The following PCDHGB1 variants were observed in gnomAD, a reference collection of about 807,000 sequenced individuals.
PCDHGB1 encodes the protein protocadherin gamma subfamily B, 1, also known as protocadherin gamma-B1.
In PCDHGB1, 34 loss-of-function variants were observed where a neutral mutation model predicts 56.6. The ratio of observed to expected loss-of-function variants is 0.60; its 90% CI spans 0.46 to 0.80. The LOEUF (loss-of-function observed/expected upper bound fraction) is 0.80. PCDHGB1 is among the 30% of genes least tolerant of loss of function. The pLI, the probability that PCDHGB1 is intolerant of heterozygous loss-of-function variation, is 0.00. For missense variants in PCDHGB1, 1,278 were observed against 1,204.6 expected (o/e 1.06, Z -0.90); for synonymous variants, 561 against 505.9 (o/e 1.11, Z -1.46).
chr5:141,454,860 T>G (rs62379170), intron 1 of PCDHGB1, among the ~76,000 whole-genome samples: 5,850 of 133,200 alleles, frequency 0.044, 153 homozygotes, highest in Middle Eastern at 0.11. Context: ...CAGGCTGGAG[T>G]GCAGTGGCAC....
At chr5:141,409,050 G>C (rs371257178) in intron 1 of PCDHGB1, 1 of 1,613,988 alleles carries the variant, frequency 6.2e-7, no homozygotes. Context: ...TACTTCCGAA[G>C]CACTGCCCAG....
intron 1 of PCDHGB1, chr5:141,412,993 G>T (rs1401025160): frequency 1.2e-5 from 7 of 574,186 alleles, no homozygotes; most frequent in Non-Finnish European, 1.8e-5. Context: ...GCTCAATCCG[G>T]ATTCTCAGGG....
Position 141,352,496 on chromosome 5 carries a change from T to C in PCDHGB1, c.2236T>C (p.Tyr746His). The part of the protein sequence containing the change: ...PPNHSEGTLP[Y>H]SYNLCIASHS... ...CAACCACAGCGAGGGGACTTTGCCC[T>C]ATTCCTACAATCTATGTATTGCCTC... is the stretch of plus-strand genomic sequence containing the variant. Residue 746 changes from tyrosine (Y) to histidine (H), a missense_variant, in exon 1 of 4, where the codon TAT becomes CAT. Tyr to His is a moderately conservative substitution (Grantham distance 83). Coordinates refer to ENST00000523390, the MANE Select transcript of PCDHGB1 (RefSeq NM_018922.3). 3 of 1,614,040 alleles carry C rather than the reference T, an allele frequency of 1.9e-6. No individual in the cohort carries two copies. The highest frequency in any genetic ancestry group is 2.5e-6 in the Non-Finnish European group (3 of 1,179,890).
Position 141,511,042 on chromosome 5 carries a change from G to C in PCDHGB1, c.2653G>C (p.Asp885His), listed in dbSNP as rs774071540. Residue 885 changes from aspartate (D) to histidine (H), a missense_variant, in exon 4 of 4, where the codon GAC becomes CAC. Transcript: ENST00000523390. Reference sequence around the variant, plus strand: ...CCAGTTCACCCTGCAGCACGTGCCCGACTACCGCCAGAATGTCTACATCCC... The same window carrying C: ...CCAGTTCACCCTGCAGCACGTGCCCCACTACCGCCAGAATGTCTACATCCC... ...GPQFTLQHVP[D>H]YRQNVYIPGS... 6.2e-7 allele frequency: 1 copy of C among 1,614,182 alleles called. No homozygotes were observed. Among genetic ancestry groups the C allele is most frequent in the South Asian group, 1.1e-5 (1 of 91,084 alleles).
chr5:141,482,736 C>T (rs897817817), intron 1 of PCDHGB1, among the ~76,000 whole-genome samples: 6 of 152,056 alleles, frequency 3.9e-5, no homozygotes, highest in African/African-American at 1.2e-4. Context: ...GCAAGAAATT[C>T]CATGCAGAGG....
chr5:141,505,413 C>G lies in PCDHGB1; in HGVS notation c.2489C>G (p.Thr830Ser). ...CCCAGCTCCCAAAATGGCGATGACA[C>G]CGGCACCTGGCCCAACAACCAGTTT... Reference protein sequence around the residue: ...GTSGSQNGDDTGTWPNNQFDT... With the variant: ...GTSGSQNGDDSGTWPNNQFDT... Residue 830 changes from threonine to serine, a missense_variant, in exon 3 of 4, where the codon ACC (threonine) becomes AGC (serine). Physicochemically the swap from Thr to Ser is moderately conservative, Grantham distance 58. Coordinates refer to ENST00000523390, the MANE Select transcript of PCDHGB1 (RefSeq NM_018922.3). 2.5e-6 allele frequency: 4 copies of G among 1,614,202 alleles called. No individual in the cohort carries two copies. In the South Asian group the frequency reaches 4.4e-5, roughly 18 times the overall value.
At chr5:141,463,324 T>C (rs1413608053) in intron 1 of PCDHGB1, among the ~76,000 whole-genome samples, 1 of 150,722 alleles carries the variant, frequency 6.6e-6, no homozygotes, top group Non-Finnish European at 1.5e-5. Context: ...ATTCCTCAAC[T>C]CAGCAAAACC....
chr5:141,511,293 G>A lies in PCDHGB1; in HGVS notation c.*120G>A, dbSNP rs1028501355. On this transcript the variant is annotated 3_prime_UTR_variant, in exon 4 of 4. Coordinates refer to ENST00000523390, the MANE Select transcript of PCDHGB1 (RefSeq NM_018922.3). ...CCCCAGAATACTGGTAGGGGCCAAG[G>A]CCATGCTCCCCTTGGGAAACAGAAA... The A allele has an allele frequency of 3.3e-6, 5 of 1,509,316 alleles. No individual in the cohort carries two copies. In the African/African-American group the frequency reaches 5.6e-5, roughly 17 times the overall value. The allele number at this position is 1,509,316 out of a possible 1,614,324, so 93.5% of individuals were successfully genotyped here.
At chr5:141,398,228 G>A (rs2150736860) in intron 1 of PCDHGB1, 1 of 1,475,144 alleles carries the variant, frequency 6.8e-7, no homozygotes, top group East Asian at 2.5e-5. Flanking sequence ...GAGCAGATCC[G>A]CTACAGGATT....
At position 141,364,632 on chromosome 5, in the gene PCDHGB1, T is replaced by C. The variant is rs377270205; in HGVS notation, c.2409+11963T>C. The C allele has an allele frequency of 1.1e-5, 17 of 1,614,024 alleles. No homozygotes were observed. The African/African-American group carries it at 2.3e-4, about 22-fold the overall frequency. Reference sequence around the variant, plus strand: ...GAGGAGCTCTGCGCTCAGAGCCCACTGTGTGTGGTGAACTTTAACATCTTG... The same window carrying C: ...GAGGAGCTCTGCGCTCAGAGCCCACCGTGTGTGGTGAACTTTAACATCTTG... On this transcript the variant is annotated intron_variant, in intron 1 of 3. Coordinates refer to ENST00000523390, the MANE Select transcript of PCDHGB1 (RefSeq NM_018922.3).
At chr5:141,366,544 G>T (rs368873957) in intron 1 of PCDHGB1, 5 of 1,614,112 alleles carry the variant, frequency 3.1e-6, no homozygotes, top group Non-Finnish European at 4.2e-6. Context: ...TGCCCGCCTC[G>T]CACTTTGTGG....
At chr5:141,439,412 T>G (rs2098111019) in intron 1 of PCDHGB1, among the ~76,000 whole-genome samples, 1 of 152,194 alleles carries the variant, frequency 6.6e-6, no homozygotes, top group Admixed American at 6.5e-5. Flanking sequence ...CTAACATCAC[T>G]GAGGTTATAA....
rs1011341002 is a variant in PCDHGB1, at chr5:141,476,141, G to T, written c.2410-18666G>T. 1 of 1,610,048 alleles carries T rather than the reference G, an allele frequency of 6.2e-7. No individual in the cohort carries two copies. The highest frequency in any genetic ancestry group is 2.2e-5 in the East Asian group (1 of 44,844). On this transcript the variant is annotated intron_variant, in intron 1 of 3. Coordinates refer to ENST00000523390, the MANE Select transcript of PCDHGB1 (RefSeq NM_018922.3). The surrounding 1 kb of genome is among the most constrained non-coding windows in gnomAD (Gnocchi z 7.6). ...GATGGTCCCAGAGGCCTGGAGGAGC[G>T]GACTGGTAAGCACCGGGAGGGTAGT...
At chr5:141,422,470 T>G in intron 1 of PCDHGB1, 1 of 1,613,440 alleles carries the variant, frequency 6.2e-7, no homozygotes, top group South Asian at 1.1e-5. Flanking sequence ...GGACAGGGAG[T>G]TGGTCCAGAG....
intron 1 of PCDHGB1, chr5:141,412,903 G>T: frequency 5.3e-6 from 2 of 376,030 alleles, no homozygotes; most frequent in East Asian, 4.2e-5. Flanking sequence ...ACTTTCCATT[G>T]CATGTATCAC....
Position 141,372,598 on chromosome 5 carries a change from C to CTGTA in PCDHGB1, c.2409+19930_2409+19933dup, listed in dbSNP as rs763694061. The CTGTA allele has an allele frequency of 6.2e-6, 10 of 1,614,046 alleles. No individual in the cohort carries two copies. In the South Asian group the frequency reaches 1.1e-4, roughly 18 times the overall value. On this transcript the variant is annotated intron_variant, in intron 1 of 3. Coordinates refer to ENST00000523390, the MANE Select transcript of PCDHGB1 (RefSeq NM_018922.3). ...TTTCAGCCTGGTGTCTGCTTCAAGA[C>CTGTA]TGTACCTGGAGTTCTCCCCACCTAC...
rs769607720 is a variant in PCDHGB1 at position 141,489,346 on chromosome 5, G to A, written c.2410-5461G>A. 4 of 1,611,652 alleles carry A rather than the reference G, an allele frequency of 2.5e-6. No individual in the cohort carries two copies. The highest frequency in any genetic ancestry group is 3.4e-6 in the Non-Finnish European group (4 of 1,178,446). On this transcript the variant is annotated intron_variant, in intron 1 of 3. Transcript: ENST00000523390. The surrounding 1 kb of genome is among the most constrained non-coding windows in gnomAD (Gnocchi z 4.5). Reference sequence around the variant, plus strand: ...GTCTGGGCAGCTTCGTTACTCAGTGGTGGAGGAGTCTGAGCCGGGGACGCT... The same window carrying A: ...GTCTGGGCAGCTTCGTTACTCAGTGATGGAGGAGTCTGAGCCGGGGACGCT...
In PCDHGB1 at chr5:141,409,580, C is replaced by T. The variant is rs969743613; in HGVS notation, c.2409+56911C>T. The T allele has an allele frequency of 3.7e-6, 6 of 1,613,922 alleles. No homozygotes were observed. The Admixed American group carries it at 8.3e-5, about 22-fold the overall frequency. The stretch of plus-strand genomic sequence containing the variant: ...TTTCGACCAGACGTCCTACGTGGTC[C>T]ACGTGGCCGAGAACAACCCGCCAGG... On this transcript the variant is annotated intron_variant, in intron 1 of 3. Transcript: ENST00000523390.
At chr5:141,417,955 G>C in intron 1 of PCDHGB1, 2 of 1,613,634 alleles carry the variant, frequency 1.2e-6, no homozygotes, top group Middle Eastern at 1.7e-4. Flanking sequence ...TGTGTGAGCC[G>C]ATCCGCTACT....
Sources: allele counts gnomAD v4.1 joint callset (sites outside exome capture counted in the v4.1 genomes callset), GRCh38; gene constraint gnomAD v4.1.1; non-coding constraint Gnocchi (gnomAD v3.1); transcripts MANE v1.5; gene names NCBI Gene and HGNC (gene_info 2026-07-23, HGNC 2026-07-21).